The following STK40 variants were observed in gnomAD, a reference collection of about 807,000 sequenced individuals.
STK40 encodes the protein serine/threonine-protein kinase 40.
STK40 carries 13 observed loss-of-function variants against 47.9 expected under a neutral mutation model. The observed-to-expected ratio is 0.27, with a 90% CI of 0.18 to 0.43. The LOEUF is 0.43. STK40 is among the 20% of genes least tolerant of loss of function. The pLI, the probability that STK40 is intolerant of heterozygous loss-of-function variation, is 1.00. For synonymous variants in STK40, 225 were observed against 243.2 expected, an observed-to-expected ratio of 0.93 and a Z score of 0.69; for missense variants, 460 against 595.1, an observed-to-expected ratio of 0.77 and a Z score of 2.36.
chr1:36,347,107 T>TAG lies in STK40; in HGVS notation c.739+1592_739+1593insCT, dbSNP rs552970984. ...ACACGGGCAGCCCTGGGGACAGGCC[T>TAG]GGCTCTCCAGCAGAAGCGGCAGCTG... On this transcript the variant is annotated intron_variant, in intron 7 of 10. Transcript: ENST00000373132. 3.8e-3 allele frequency among the ~76,000 whole-genome samples: 576 copies of TAG among 152,286 alleles called. 2 individuals are homozygous for TAG. The highest frequency in any genetic ancestry group is 6.0e-3 in the Non-Finnish European group (409 of 68,014).
intron 6 of STK40, among the ~76,000 whole-genome samples, chr1:36,351,406 G>A (rs1646751571): frequency 6.6e-6 from 1 of 152,104 alleles, no homozygotes; most frequent in East Asian, 1.9e-4. Flanking sequence ...GGAGTGGGCT[G>A]GAGCTCCTTC....
At chr1:36,361,113 T>A in intron 2 of STK40, 108 bp downstream of exon 2, 1 of 1,295,624 alleles carries the variant, frequency 7.7e-7, no homozygotes, top group Non-Finnish European at 1.1e-6. Context: ...CACACACTGC[T>A]GTGGGTGGGC....
At chr1:36,348,526 G>A (rs901933993) in intron 7 of STK40, among the ~76,000 whole-genome samples, 174 bp downstream of exon 7, 3 of 152,130 alleles carry the variant, frequency 2.0e-5, no homozygotes, top group African/African-American at 4.8e-5. Flanking sequence ...TTATCATTAC[G>A]TCTTCCACCT....
chr1:36,347,860 C>G (rs1467400592), intron 7 of STK40, among the ~76,000 whole-genome samples: 1 of 152,156 alleles, frequency 6.6e-6, no homozygotes, highest in Non-Finnish European at 1.5e-5. Flanking sequence ...ACCATATTGG[C>G]CAGGCTGGTC....
intron 1 of STK40, among the ~76,000 whole-genome samples, chr1:36,373,840 G>A (rs1477100569): frequency 6.6e-6 from 1 of 152,210 alleles, no homozygotes; most frequent in Non-Finnish European, 1.5e-5. Context: ...ATTGCCTTGG[G>A]GGTTATAAGT....
intron 10 of STK40, 78 bp from the exon 11 acceptor site, chr1:36,342,051 G>A (rs1218874013): frequency 2.2e-6 from 3 of 1,366,040 alleles, no homozygotes; most frequent in African/African-American, 2.9e-5. Flanking sequence ...GGGCAGGCAA[G>A]AGTGCTGGCA....
intron 1 of STK40, among the ~76,000 whole-genome samples, chr1:36,364,878 C>T (rs1360000210): frequency 6.6e-6 from 1 of 151,814 alleles, no homozygotes; most frequent in African/African-American, 2.4e-5. Flanking sequence ...TCTGTCTTTT[C>T]CTTTAGTTTG....
chr1:36,343,533 G>T, intron 9 of STK40, 85 bp from the exon 10 acceptor site: 2 of 1,309,380 alleles, frequency 1.5e-6, no homozygotes, highest in South Asian at 1.4e-5. Context: ...ACACACCTGG[G>T]TTGTGTTCCT....
chr1:36,356,467 C>G (rs1477033201), intron 4 of STK40, among the ~76,000 whole-genome samples: 1 of 141,810 alleles, frequency 7.1e-6, no homozygotes, highest in Non-Finnish European at 1.5e-5. Flanking sequence ...ACTCTGTTGC[C>G]CAGGCTGGAG....
intron 7 of STK40, 117 bp from the exon 8 acceptor site, chr1:36,344,381 C>T (rs886569173): frequency 8.8e-5 from 120 of 1,370,488 alleles, no homozygotes; most frequent in Middle Eastern, 7.9e-4. Context: ...CCCCCAGAGT[C>T]GTCCTCTGAG....
At chr1:36,364,099 T>C (rs7526739) in intron 1 of STK40, among the ~76,000 whole-genome samples, 31,672 of 150,670 alleles carry the variant, frequency 0.21, 4,856 homozygotes, top group African/African-American at 0.43. Context: ...TGCAGTGAGC[T>C]GAGATCGCAC....
chr1:36,380,654 G>C lies in STK40; in HGVS notation c.-9+5069C>G, dbSNP rs115969428. Among the ~76,000 whole-genome samples, 678 of 152,332 alleles carry C rather than the reference G, an allele frequency of 4.5e-3. 1 individual carries two copies. The highest frequency in any genetic ancestry group is 7.3e-3 in the Non-Finnish European group (499 of 68,034). On this transcript the variant is annotated intron_variant, in intron 1 of 10. Coordinates refer to ENST00000373132, the MANE Select transcript of STK40 (RefSeq NM_001282547.2). Reference sequence around the variant, plus strand: ...GGCTGTAGTATGCTGAATCGGGGTGGATATTGCCAGAGGGAAGGGTTGCTC... The same window carrying C: ...GGCTGTAGTATGCTGAATCGGGGTGCATATTGCCAGAGGGAAGGGTTGCTC...
Position 36,371,761 on chromosome 1 carries a change from C to T in STK40, c.-8-10421G>A, listed in dbSNP as rs976977371. Among the ~76,000 whole-genome samples the T allele has an allele frequency of 8.7e-5, 13 of 148,806 alleles. 1 individual carries two copies. Among genetic ancestry groups the T allele is most frequent in the African/African-American group, 3.2e-4 (13 of 40,132 alleles). ...CTGTAATCCCAGCACTTTAGGAGGC[C>T]GAGGCGGGCAAATCACCTGAGGTCA... is the stretch of plus-strand genomic sequence containing the variant. On this transcript the variant is annotated intron_variant, in intron 1 of 10. Coordinates refer to ENST00000373132, the MANE Select transcript of STK40 (RefSeq NM_001282547.2).
chr1:36,379,882 A>G (rs566142992), intron 1 of STK40, among the ~76,000 whole-genome samples: 3 of 152,356 alleles, frequency 2.0e-5, no homozygotes, highest in Admixed American at 1.3e-4. Flanking sequence ...TTTATCCTGC[A>G]GATGATACCT....
chr1:36,365,912 T>C (rs1352136400), intron 1 of STK40: 1 of 152,170 alleles, frequency 6.6e-6, no homozygotes, highest in South Asian at 2.1e-4. Flanking sequence ...TAAACATATA[T>C]ATAAAACCAC....
At chr1:36,358,852 T>C in intron 2 of STK40, 30 bp from the exon 3 acceptor site, 2 of 1,613,958 alleles carry the variant, frequency 1.2e-6, no homozygotes, top group Non-Finnish European at 1.7e-6. Context: ...TGGTCTACTT[T>C]TCAGAAGCCC....
chr1:36,362,279 A>T (rs1164135890), intron 1 of STK40, among the ~76,000 whole-genome samples: 1 of 152,072 alleles, frequency 6.6e-6, no homozygotes, highest in Non-Finnish European at 1.5e-5. Context: ...TCCGGGGGGG[A>T]CAAGGAAACA....
chr1:36,384,249 C>T (rs1046557575), intron 1 of STK40, among the ~76,000 whole-genome samples: 3 of 152,162 alleles, frequency 2.0e-5, no homozygotes, highest in African/African-American at 7.2e-5. Context: ...AGGCTGGTCT[C>T]GAACTCCTGA....
At chr1:36,360,288 C>T (rs1223926893) in intron 2 of STK40, among the ~76,000 whole-genome samples, 1 of 152,188 alleles carries the variant, frequency 6.6e-6, no homozygotes, top group Non-Finnish European at 1.5e-5. Flanking sequence ...AAAACTCACG[C>T]CCAGTCTCTG....
Sources: gnomAD v4.1 joint callset for allele counts (sites outside exome capture counted in the v4.1 genomes callset) on GRCh38, gnomAD v4.1.1 for gene constraint, MANE v1.5 for transcripts, NCBI Gene and HGNC (gene_info 2026-07-23, HGNC 2026-07-21) for gene names.